The following KAT7 variants were observed in gnomAD, a reference collection of about 807,000 sequenced individuals.
The protein encoded by KAT7 is histone acetyltransferase KAT7.
KAT7 carries 10 observed loss-of-function variants against 82.1 expected under a neutral mutation model. The ratio of observed to expected loss-of-function variants is 0.12; its 90% CI spans 0.08 to 0.21. KAT7 has a LOEUF of 0.21. KAT7 is among the 10% of genes least tolerant of loss of function. The probability of loss-of-function intolerance (pLI) is 1.00; values close to 1 mark genes in which losing one functional copy is unlikely to be tolerated. For missense variants in KAT7, 378 were observed against 760.9 expected (o/e 0.50, Z 5.92); for synonymous variants, 250 against 262.5 (o/e 0.95, Z 0.46).
At chr17:49,812,995 C>T (rs2074187935) in intron 7 of KAT7, among the ~76,000 whole-genome samples, 1 of 149,566 alleles carries the variant, frequency 6.7e-6, no homozygotes, top group African/African-American at 2.4e-5. Context: ...GCCACTGCAC[C>T]CAGCCTTTTT....
intron 1 of KAT7, among the ~76,000 whole-genome samples, chr17:49,790,167 C>G (rs777236892): frequency 2.4e-4 from 36 of 152,104 alleles, no homozygotes; most frequent in Non-Finnish European, 4.4e-5. Flanking sequence ...CTAAAATGAC[C>G]TCAGCTGGTG....
intron 4 of KAT7, among the ~76,000 whole-genome samples, chr17:49,805,043 T>C (rs1056227133): frequency 1.3e-5 from 2 of 152,176 alleles, no homozygotes; most frequent in African/African-American, 4.8e-5. Flanking sequence ...CAAAAGAAAG[T>C]GTTCCTGTTC....
intron 11 of KAT7, 99 bp downstream of exon 11, chr17:49,821,889 T>G: frequency 3.9e-6 from 4 of 1,013,426 alleles, no homozygotes. Context: ...AGCTGTACTC[T>G]GGGCAATGAT....
intron 1 of KAT7, among the ~76,000 whole-genome samples, chr17:49,790,584 A>T (rs2073874321): frequency 6.6e-6 from 1 of 152,162 alleles, no homozygotes. Flanking sequence ...AATTTCCCAA[A>T]TACCGGGAGT....
chr17:49,810,406 G>A (rs1472628593), intron 6 of KAT7, among the ~76,000 whole-genome samples: 1 of 151,988 alleles, frequency 6.6e-6, no homozygotes, highest in Non-Finnish European at 1.5e-5. Context: ...ACAGGGGCAC[G>A]CCACCACGCC....
chr17:49,823,328 A>T, intron 12 of KAT7, 33 bp downstream of exon 12: 1 of 1,112,696 alleles, frequency 9.0e-7, no homozygotes, highest in Non-Finnish European at 1.4e-6. Flanking sequence ...TAGTTCCACA[A>T]GGCAGGGACC....
At chr17:49,820,764 T>TTTTTTC (rs2074293464) in intron 9 of KAT7, among the ~76,000 whole-genome samples, 3 of 149,494 alleles carry the variant, frequency 2.0e-5, no homozygotes, top group East Asian at 3.9e-4. Context: ...TTTTTTTTTT[T>TTTTTTC]TTTTTCTTTT....
intron 12 of KAT7, 68 bp from the exon 13 acceptor site, chr17:49,825,930 GCA>G (rs1250834901): frequency 2.0e-6 from 3 of 1,492,266 alleles, no homozygotes; most frequent in Admixed American, 2.0e-5. Context: ...TTCCATGTTG[GCA>G]CACAGTTTTT....
At chr17:49,808,277 G>A (rs981695090) in intron 5 of KAT7, among the ~76,000 whole-genome samples, 21 of 151,192 alleles carry the variant, frequency 1.4e-4, no homozygotes, top group African/African-American at 3.2e-4. Context: ...GCGCCACCAC[G>A]CCTGGCTAGT....
At position 49,830,217 on chromosome 17, in the gene KAT7, A is replaced by T. The variant is rs2074413935; in HGVS notation, c.*2715A>T. The T allele has an allele frequency of 8.3e-6, 1 of 119,850 alleles. No individual in the cohort carries two copies. The highest frequency in any genetic ancestry group is 9.4e-5 in the Admixed American group (1 of 10,640). The allele number at this position is 119,850 out of a possible 1,614,324, so 7.4% of individuals were successfully genotyped here. ...TTTTTTTTTTTTTTTTTAAAAAAAG[A>T]CAGTCTCACTCTATCATCCAGTCCG... On this transcript the variant is annotated 3_prime_UTR_variant, in exon 15 of 15. Transcript: ENST00000259021.
intron 7 of KAT7, among the ~76,000 whole-genome samples, chr17:49,813,593 G>A (rs991351390): frequency 2.0e-5 from 3 of 151,944 alleles, no homozygotes; most frequent in Non-Finnish European, 2.9e-5. Context: ...GAAATATTCC[G>A]GGAAAAAAAT....
chr17:49,823,096 G>A, intron 11 of KAT7, 106 bp from the exon 12 acceptor site: 1 of 693,130 alleles, frequency 1.4e-6, no homozygotes, highest in South Asian at 1.6e-5. Context: ...CTTGGGACTG[G>A]TTAGCCAGAT....
intron 5 of KAT7, among the ~76,000 whole-genome samples, chr17:49,808,009 C>G (rs1405968978): frequency 6.6e-6 from 1 of 151,868 alleles, no homozygotes; most frequent in African/African-American, 2.4e-5. Flanking sequence ...AGTTGGATAT[C>G]AGTTCCCAAT....
Position 49,815,820 on chromosome 17 carries a change from T to C in KAT7, c.870T>C (p.Tyr290=), listed in dbSNP as rs1477867152. Residue 290 remains tyrosine (Y), a synonymous_variant, in exon 8 of 15, where the codon TAT becomes TAC. Transcript: ENST00000259021. The stretch of plus-strand genomic sequence containing the variant: ...TTTCCTAGGAACACAGACAGACCTA[T>C]GGGAACACACGGGAACCTCTTTTAG... The part of the protein sequence containing the change: ...KEKYMEHRQT[Y]GNTREPLLEN... The C allele has an allele frequency of 6.8e-6, 11 of 1,609,698 alleles. No individual in the cohort carries two copies. The highest frequency in any genetic ancestry group is 9.3e-6 in the Non-Finnish European group (11 of 1,177,008).
chr17:49,822,590 C>T (rs775035846), intron 11 of KAT7, among the ~76,000 whole-genome samples: 1 of 152,032 alleles, frequency 6.6e-6, no homozygotes, highest in Non-Finnish European at 1.5e-5. Context: ...AATTCATATA[C>T]CATAAATTCA....
intron 6 of KAT7, among the ~76,000 whole-genome samples, chr17:49,809,677 C>T (rs1195331594): frequency 2.0e-5 from 3 of 152,178 alleles, no homozygotes; most frequent in African/African-American, 7.2e-5. Context: ...CTCCTCCTGC[C>T]TCTCTGAACA....
chr17:49,804,594 T>G (rs1327567669), intron 4 of KAT7, among the ~76,000 whole-genome samples: 1 of 151,888 alleles, frequency 6.6e-6, no homozygotes, highest in Non-Finnish European at 1.5e-5. Flanking sequence ...TGGGCAACAC[T>G]GAGACCCGTT....
rs2073863976 is a variant in KAT7 at position 49,789,955 on chromosome 17, TA to T, written c.15+1109del. On this transcript the variant is annotated intron_variant, in intron 1 of 14. Transcript: ENST00000259021. The stretch of plus-strand genomic sequence containing the variant: ...AGGAATAAGTCTCACGTCAAGGCTT[TA>T]AATATCTCGGTAATTAGACTATAAT... 4 of 152,152 alleles carry T rather than the reference TA, an allele frequency of 2.6e-5. No homozygotes were observed. The South Asian group carries it at 8.3e-4, about 32-fold the overall frequency. 9.4% of individuals were successfully genotyped at this position (152,152 alleles called of 1,614,324 possible).
At chr17:49,805,114 A>C (rs2074075282) in intron 4 of KAT7, among the ~76,000 whole-genome samples, 1 of 152,226 alleles carries the variant, frequency 6.6e-6, no homozygotes, top group African/African-American at 2.4e-5. Context: ...TGAGAAGTCT[A>C]AGAGCAGAAA....
Sources: gnomAD v4.1 joint callset for allele counts (sites outside exome capture counted in the v4.1 genomes callset) on GRCh38, gnomAD v4.1.1 for gene constraint, MANE v1.5 for transcripts, NCBI Gene and HGNC (gene_info 2026-07-23, HGNC 2026-07-21) for gene names.